DNLZ: variants seen among roughly 807,000 people sequenced by gnomAD.
The protein encoded by DNLZ is DNL-type zinc finger, also known as DNL-type zinc finger protein.
Under a neutral mutation model 7.8 loss-of-function variants are expected in DNLZ, and 15 were observed. The observed-to-expected ratio is 1.91, with a 90% CI of 1.28 to 2.95. The LOEUF (loss-of-function observed/expected upper bound fraction) is 2.95. DNLZ is among the 30% of genes most tolerant of loss of function. The pLI is 0.00. For synonymous variants in DNLZ, 123 were observed against 77.8 expected (o/e 1.58, Z -3.05); for missense variants, 255 against 167.3 (o/e 1.52, Z -2.89).
Position 136,362,004 on chromosome 9 carries a change from C to T in DNLZ, c.*8G>A, listed in dbSNP as rs190121545. ...GCCGAAGTCCCACAGTGCCGGGGAGCGCAGGAGTCAGCTCGGCTCCGTCTT... is the reference window on the plus strand; with the variant it reads ...GCCGAAGTCCCACAGTGCCGGGGAGTGCAGGAGTCAGCTCGGCTCCGTCTT... On this transcript the variant is annotated 3_prime_UTR_variant, in exon 3 of 3. Coordinates refer to ENST00000371738, the MANE Select transcript of DNLZ (RefSeq NM_001080849.3). The T allele has an allele frequency of 2.5e-4, 322 of 1,299,964 alleles. 1 individual carries two copies. In the African/African-American group the frequency reaches 4.0e-3, roughly 16 times the overall value. 80.5% of individuals were successfully genotyped at this position (1,299,964 alleles called of 1,614,324 possible).
Position 136,361,857 on chromosome 9 carries a change from T to C in DNLZ, c.*155A>G. 4 of 522,546 alleles carry C rather than the reference T, an allele frequency of 7.7e-6. No homozygotes were observed. Among genetic ancestry groups the C allele is most frequent in the Non-Finnish European group, 5.9e-6 (2 of 338,942 alleles). 32.4% of individuals were successfully genotyped at this position (522,546 alleles called of 1,614,324 possible). A position where few individuals can be genotyped will look rare whatever the true frequency, so the allele number is the denominator to read the frequency against. ...CACCAGGGATTCAGAGCAATCGTTC[T>C]AACTCCAGAAAAAGAAAGGCCACGA... On this transcript the variant is annotated 3_prime_UTR_variant, in exon 3 of 3. Transcript: ENST00000371738.
In DNLZ at chr9:136,363,742, C is replaced by T. The variant is rs1185930419; in HGVS notation, c.-28G>A. On this transcript the variant is annotated 5_prime_UTR_variant, in exon 1 of 3. Coordinates refer to ENST00000371738, the MANE Select transcript of DNLZ (RefSeq NM_001080849.3). Reference sequence around the variant, plus strand: ...CGCTCGCCGGCTCCGTCCGCCCTGCCCCGGCCCCGCCCCGCCGCCATCTTG... The same window carrying T: ...CGCTCGCCGGCTCCGTCCGCCCTGCTCCGGCCCCGCCCCGCCGCCATCTTG... 2 of 493,340 alleles carry T rather than the reference C, an allele frequency of 4.1e-6. No individual in the cohort carries two copies. The highest frequency in any genetic ancestry group is 7.1e-6 in the Non-Finnish European group (2 of 282,822). 30.6% of individuals were successfully genotyped at this position (493,340 alleles called of 1,614,324 possible).
intron 2 of DNLZ, 70 bp from the exon 3 acceptor site, chr9:136,362,250 C>T (rs912790810): frequency 3.0e-6 from 4 of 1,343,138 alleles, no homozygotes; most frequent in East Asian, 5.6e-5. Context: ...CCCCTCAGGG[C>T]GCCCCATGGC....
Position 136,361,091 on chromosome 9 carries a change from C to G in DNLZ, c.*921G>C, listed in dbSNP as rs572162697. Reference sequence around the variant, plus strand: ...GGTAATCGAGGCAAAGCCCACGCCACAAGCACACTGGGAACGATGCCGCCG... The same window carrying G: ...GGTAATCGAGGCAAAGCCCACGCCAGAAGCACACTGGGAACGATGCCGCCG... On this transcript the variant is annotated 3_prime_UTR_variant, in exon 3 of 3. Transcript: ENST00000371738. 6.6e-6 allele frequency: 1 copy of G among 152,446 alleles called. No homozygotes were observed. The highest frequency in any genetic ancestry group is 2.4e-5 in the African/African-American group (1 of 41,584). 9.4% of individuals were successfully genotyped at this position (152,446 alleles called of 1,614,324 possible).
At chr9:136,363,229 A>C (rs1833016392) in intron 1 of DNLZ, 101 bp from the exon 2 acceptor site, 1 of 1,421,734 alleles carries the variant, frequency 7.0e-7, no homozygotes, top group Admixed American at 1.8e-5. Flanking sequence ...CACCCTCTCC[A>C]GAGAAGGCCC....
rs942958705 is a variant in DNLZ at position 136,360,075 on chromosome 9, T to A, written c.*1937A>T. The A allele has an allele frequency of 6.6e-6, 1 of 152,170 alleles. No individual in the cohort carries two copies. The highest frequency in any genetic ancestry group is 1.5e-5 in the Non-Finnish European group (1 of 68,046). 9.4% of individuals were successfully genotyped at this position (152,170 alleles called of 1,614,324 possible). On this transcript the variant is annotated 3_prime_UTR_variant, in exon 3 of 3. Coordinates refer to ENST00000371738, the MANE Select transcript of DNLZ (RefSeq NM_001080849.3). ...TTGTCTGGGCGCTGCTTGTGGTGGG[T>A]GGCACCCCCACGGGGCCCCCGTCAG...
chr9:136,363,422 C>T (rs1833022012), intron 1 of DNLZ, 65 bp downstream of exon 1: 3 of 760,552 alleles, frequency 3.9e-6, no homozygotes, highest in Non-Finnish European at 7.2e-6. Flanking sequence ...CGGGCCGCTT[C>T]TCCCCGCAGG....
chr9:136,362,155 T>C lies in DNLZ; in HGVS notation c.394A>G (p.Arg132Gly), dbSNP rs759458846. ...KRNIEEILTA[R>G]GEQVHRVAGE... ...GCCACACGGTGCACCTGCTCGCCTC[T>C]GGCCGTCAGGATCTCTTCGATATTT... The change falls in exon 3 of 3, where the codon AGA becomes GGA. Residue 132 changes from arginine to glycine, a missense_variant. Coordinates refer to ENST00000371738, the MANE Select transcript of DNLZ (RefSeq NM_001080849.3). The C allele has an allele frequency of 3.6e-5, 54 of 1,499,654 alleles. No individual in the cohort carries two copies. In the Middle Eastern group the frequency reaches 8.8e-4, roughly 24 times the overall value. 92.9% of individuals were successfully genotyped at this position (1,499,654 alleles called of 1,614,324 possible).
At chr9:136,362,466 C>T (rs896380231) in intron 2 of DNLZ, among the ~76,000 whole-genome samples, 1 of 152,214 alleles carries the variant, frequency 6.6e-6, no homozygotes, top group Non-Finnish European at 1.5e-5. Context: ...GTCCCAGCTC[C>T]AAGGGCCAGG....
In DNLZ at chr9:136,362,183, G is replaced by A. The variant is rs1025764014; in HGVS notation, c.369-3C>T. ...CCGTCAGGATCTCTTCGATATTTCT[G>A]GGGGGCAGGGAGGCAACATGGCTCT... On this transcript the variant is annotated splice_region_variant and splice_polypyrimidine_tract_variant and intron_variant, in intron 2 of 2. Transcript: ENST00000371738. 1 of 1,484,384 alleles carries A rather than the reference G, an allele frequency of 6.7e-7. No individual in the cohort carries two copies. The highest frequency in any genetic ancestry group is 8.9e-7 in the Non-Finnish European group (1 of 1,121,092). The allele number at this position is 1,484,384 out of a possible 1,614,324, so 92.0% of individuals were successfully genotyped here. A position where few individuals can be genotyped will look rare whatever the true frequency, so the allele number is the denominator to read the frequency against.
rs1832981648 is a variant in DNLZ, at chr9:136,361,606, C to CA, written c.*405dup. On this transcript the variant is annotated 3_prime_UTR_variant, in exon 3 of 3. Coordinates refer to ENST00000371738, the MANE Select transcript of DNLZ (RefSeq NM_001080849.3). ...CACTGGCTCACGGAAGGGAGGCCGCCAGAGCTGGCCAGGGGGGCGGCAAGG... is the reference window on the plus strand; with the variant it reads ...CACTGGCTCACGGAAGGGAGGCCGCCAAGAGCTGGCCAGGGGGGCGGCAAGG... 1 of 169,206 alleles carries CA rather than the reference C, an allele frequency of 5.9e-6. No individual in the cohort carries two copies. Among genetic ancestry groups the CA allele is most frequent in the African/African-American group, 2.4e-5 (1 of 42,244 alleles). The allele number at this position is 169,206 out of a possible 1,614,324, so 10.5% of individuals were successfully genotyped here. A position where few individuals can be genotyped will look rare whatever the true frequency, so the allele number is the denominator to read the frequency against.
At chr9:136,362,476 G>A (rs1832998357) in intron 2 of DNLZ, among the ~76,000 whole-genome samples, 1 of 152,220 alleles carries the variant, frequency 6.6e-6, no homozygotes, top group Admixed American at 6.5e-5. Context: ...CAAGGGCCAG[G>A]TACCACCAAG....
At position 136,362,158 on chromosome 9, in the gene DNLZ, C is replaced by T. The variant is rs1588716499; in HGVS notation, c.391G>A (p.Ala131Thr). The T allele has an allele frequency of 1.3e-6, 2 of 1,496,584 alleles. No individual in the cohort carries two copies. The highest frequency in any genetic ancestry group is 1.8e-6 in the Non-Finnish European group (2 of 1,127,562). 92.7% of individuals were successfully genotyped at this position (1,496,584 alleles called of 1,614,324 possible). ...ACACGGTGCACCTGCTCGCCTCTGG[C>T]CGTCAGGATCTCTTCGATATTTCTG... is the stretch of plus-strand genomic sequence containing the variant. ...GKRNIEEILTARGEQVHRVAG... is the reference protein window; with the variant it reads ...GKRNIEEILTTRGEQVHRVAG... Residue 131 changes from alanine (A) to threonine (T), a missense_variant, in exon 3 of 3, where the codon GCC becomes ACC. Physicochemically the swap from Ala to Thr is moderately conservative, Grantham distance 58. Coordinates refer to ENST00000371738, the MANE Select transcript of DNLZ (RefSeq NM_001080849.3).
In DNLZ at chr9:136,363,580, G is replaced by T; in HGVS notation, c.135C>A (p.Gly45=). 1.6e-6 allele frequency: 1 copy of T among 642,200 alleles called. No individual in the cohort carries two copies. The highest frequency in any genetic ancestry group is 2.8e-6 in the Non-Finnish European group (1 of 359,546). 39.8% of individuals were successfully genotyped at this position (642,200 alleles called of 1,614,324 possible). A position where few individuals can be genotyped will look rare whatever the true frequency, so the allele number is the denominator to read the frequency against. ...CCTGCTCGGAGCTTGAGCGCCGCCA[G>T]CCCCAGGCCCAGGCCCGCCGCCTCC... The part of the protein sequence containing the change: ...VAGRRRAWAW[G]WRRSSSEQGP... Residue 45 remains glycine, a synonymous_variant, in exon 1 of 3, where the codon GGC becomes GGA. Transcript: ENST00000371738.
intron 1 of DNLZ, 50 bp from the exon 2 acceptor site, chr9:136,363,178 C>G: frequency 6.2e-7 from 1 of 1,601,192 alleles, no homozygotes; most frequent in Non-Finnish European, 8.5e-7. Context: ...CCACGCCCCT[C>G]CCGGGAAGAC....
Position 136,361,190 on chromosome 9 carries a change from TC to T in DNLZ, c.*821del, listed in dbSNP as rs1226793203. 6.6e-6 allele frequency: 1 copy of T among 152,216 alleles called. No homozygotes were observed. The highest frequency in any genetic ancestry group is 2.4e-5 in the African/African-American group (1 of 41,422). 9.4% of individuals were successfully genotyped at this position (152,216 alleles called of 1,614,324 possible). A position where few individuals can be genotyped will look rare whatever the true frequency, so the allele number is the denominator to read the frequency against. The stretch of plus-strand genomic sequence containing the variant: ...TCCCGCTGGGAGGGGCCGCACTGGG[TC>T]CCTGTCGTGCTCAGTCCTGCCTCCA... On this transcript the variant is annotated 3_prime_UTR_variant, in exon 3 of 3. Coordinates refer to ENST00000371738, the MANE Select transcript of DNLZ (RefSeq NM_001080849.3).
At position 136,363,095 on chromosome 9, in the gene DNLZ, T is replaced by C; in HGVS notation, c.262A>G (p.Lys88Glu). Reference sequence around the variant, plus strand: ...ACCACGCCTTGGTGATAGGCCAGCTTGGAGATGCGCTTGGAGGACCTAGTC... The same window carrying C: ...ACCACGCCTTGGTGATAGGCCAGCTCGGAGATGCGCTTGGAGGACCTAGTC... ...CGTRSSKRIS[K>E]LAYHQGVVIV... The change falls in exon 2 of 3, where the codon AAG becomes GAG. Residue 88 changes from lysine to glutamate, a missense_variant. Physicochemically the swap from Lys to Glu is moderately conservative, Grantham distance 56. Coordinates refer to ENST00000371738, the MANE Select transcript of DNLZ (RefSeq NM_001080849.3). The C allele has an allele frequency of 6.2e-7, 1 of 1,613,560 alleles. No individual in the cohort carries two copies. The highest frequency in any genetic ancestry group is 8.5e-7 in the Non-Finnish European group (1 of 1,179,970).
Position 136,361,879 on chromosome 9 carries a change from A to G in DNLZ, c.*133T>C. 1.5e-6 allele frequency: 1 copy of G among 665,136 alleles called. No individual in the cohort carries two copies. Among genetic ancestry groups the G allele is most frequent in the South Asian group, 7.5e-5 (1 of 13,378 alleles). The allele number at this position is 665,136 out of a possible 1,614,324, so 41.2% of individuals were successfully genotyped here. On this transcript the variant is annotated 3_prime_UTR_variant, in exon 3 of 3. Coordinates refer to ENST00000371738, the MANE Select transcript of DNLZ (RefSeq NM_001080849.3). ...TTCTAACTCCAGAAAAAGAAAGGCCACGAGGGCCACAGGCCCCAGCATCTG... is the reference window on the plus strand; with the variant it reads ...TTCTAACTCCAGAAAAAGAAAGGCCGCGAGGGCCACAGGCCCCAGCATCTG...
chr9:136,361,817 T>C lies in DNLZ; in HGVS notation c.*195A>G, dbSNP rs1462030385. ...GAGGCGAGAGGTCCTGCGGCTCCTA[T>C]GTCCCACCCAGCAGCACCAGGGATT... is the stretch of plus-strand genomic sequence containing the variant. On this transcript the variant is annotated 3_prime_UTR_variant, in exon 3 of 3. Coordinates refer to ENST00000371738, the MANE Select transcript of DNLZ (RefSeq NM_001080849.3). 5 of 418,170 alleles carry C rather than the reference T, an allele frequency of 1.2e-5. No individual in the cohort carries two copies. In the East Asian group the frequency reaches 1.8e-4, roughly 15 times the overall value. 25.9% of individuals were successfully genotyped at this position (418,170 alleles called of 1,614,324 possible).
Sources: gnomAD v4.1 joint callset for allele counts (sites outside exome capture counted in the v4.1 genomes callset) on GRCh38, gnomAD v4.1.1 for gene constraint, MANE v1.5 for transcripts, NCBI Gene and HGNC (gene_info 2026-07-23, HGNC 2026-07-21) for gene names.